Variants in ACACA observed in about 807,000 individuals in gnomAD.
ACACA encodes acetyl-CoA carboxylase alpha, also known as acetyl-CoA carboxylase 1.
A neutral mutation model predicts 296.1 loss-of-function variants in ACACA; 103 were observed. That is an observed-to-expected ratio of 0.35 (90% CI 0.30 to 0.41). The LOEUF is 0.41. Among genes scored for constraint, ACACA ranks in the 10% least tolerant of loss-of-function variants. ACACA has a pLI of 1.00. For missense variants in ACACA, 1,554 were observed against 2,989.7 expected, an observed-to-expected ratio of 0.52 and a Z score of 11.20; for synonymous variants, 953 against 1,038.6, an observed-to-expected ratio of 0.92 and a Z score of 1.58.
intron 14 of ACACA, among the ~76,000 whole-genome samples, chr17:37,254,942 G>A (rs2081161033): frequency 6.6e-6 from 1 of 151,728 alleles, no homozygotes; most frequent in Non-Finnish European, 1.5e-5. Context: ...GAAAATACAG[G>A]TTGACAAAAT....
chr17:37,120,557 G>A (rs983883725), intron 50 of ACACA, among the ~76,000 whole-genome samples: 5 of 152,130 alleles, frequency 3.3e-5, no homozygotes, highest in African/African-American at 4.8e-5. Context: ...GAGCCACCCC[G>A]CCTGGCCCTA....
intron 1 of ACACA, among the ~76,000 whole-genome samples, chr17:37,356,949 A>G (rs2049169944): frequency 6.6e-6 from 1 of 152,198 alleles, no homozygotes; most frequent in Admixed American, 6.5e-5. Context: ...AAATTTTCCT[A>G]GTCATTGACT....
intron 2 of ACACA, among the ~76,000 whole-genome samples, chr17:37,332,945 T>C (rs1024205506): frequency 6.6e-6 from 1 of 151,530 alleles, no homozygotes; most frequent in African/African-American, 2.4e-5. Flanking sequence ...TAATTCCCAA[T>C]TGTGGACCTT....
At chr17:37,238,259 G>C (rs545505617) in intron 24 of ACACA, among the ~76,000 whole-genome samples, 1 of 148,934 alleles carries the variant, frequency 6.7e-6, no homozygotes, top group African/African-American at 2.5e-5. Context: ...ATAGGCATAA[G>C]ATAGGGATTC....
chr17:37,275,813 G>A (rs2082263726), intron 8 of ACACA, 138 bp downstream of exon 8: 1 of 775,384 alleles, frequency 1.3e-6, no homozygotes, highest in South Asian at 1.4e-5. Flanking sequence ...AATTAAGCTA[G>A]GAGCTACAAG....
At chr17:37,152,625 T>C (rs1170785463) in intron 43 of ACACA, among the ~76,000 whole-genome samples, 1 of 152,104 alleles carries the variant, frequency 6.6e-6, no homozygotes, top group East Asian at 1.9e-4. Context: ...GAGTCACTCA[T>C]CTGTCTTCCT....
chr17:37,233,001 C>G (rs2079934575), intron 25 of ACACA, among the ~76,000 whole-genome samples: 1 of 152,072 alleles, frequency 6.6e-6, no homozygotes, highest in Non-Finnish European at 1.5e-5. Flanking sequence ...TGGGTACTAT[C>G]CATGCAGGTA....
chr17:37,218,306 CG>C (rs2079129001), intron 29 of ACACA, among the ~76,000 whole-genome samples: 1 of 151,968 alleles, frequency 6.6e-6, no homozygotes, highest in African/African-American at 2.4e-5. Context: ...GTATAGAATA[CG>C]TGCTAAATTT....
chr17:37,381,037 T>C (rs2050230526), intron 1 of ACACA, among the ~76,000 whole-genome samples: 1 of 152,050 alleles, frequency 6.6e-6, no homozygotes, highest in Admixed American at 6.6e-5. Context: ...ACCACTATTA[T>C]CAACTTATTA....
intron 45 of ACACA, chr17:37,143,707 TTCC>T: frequency 3.3e-6 from 3 of 909,036 alleles, no homozygotes; most frequent in Admixed American, 1.9e-5. Flanking sequence ...CTTCTTCATC[TTCC>T]TCCTCCTCAT....
chr17:37,266,712 T>C (rs2081796041), intron 10 of ACACA, among the ~76,000 whole-genome samples: 1 of 152,176 alleles, frequency 6.6e-6, no homozygotes, highest in South Asian at 2.1e-4. Flanking sequence ...CAAAACATCT[T>C]CTTTAGCTTA....
intron 1 of ACACA, among the ~76,000 whole-genome samples, chr17:37,405,855 CTTTTTTT>C (rs3049528): frequency 1.1e-4 from 6 of 53,528 alleles, no homozygotes; most frequent in African/African-American, 3.0e-4. Flanking sequence ...CCCGGCAGGG[CTTTTTTT>C]TTTTTTTTTT....
intron 48 of ACACA, among the ~76,000 whole-genome samples, chr17:37,125,071 A>G (rs946176585): frequency 1.3e-5 from 2 of 152,198 alleles, no homozygotes; most frequent in African/African-American, 2.4e-5. Context: ...TATAGCAAGC[A>G]CTACAGATTA....
rs1386032855 is a variant in ACACA, at chr17:37,390,330, A to ATATATATCTATATATC, written c.38+15931_38+15932insGATATATAGATATATA. 4.0e-3 allele frequency among the ~76,000 whole-genome samples: 166 copies of ATATATATCTATATATC among 41,568 alleles called. 19 individuals are homozygous for ATATATATCTATATATC. The highest frequency in any genetic ancestry group is 0.038 in the East Asian group (23 of 610). 27.3% of individuals were successfully genotyped at this position (41,568 alleles called of 152,430 possible). A position where few individuals can be genotyped will look rare whatever the true frequency, so the allele number is the denominator to read the frequency against. ...TATATATATATATATATATATATAT[A>ATATATATCTATATATC]TATAAAAGGCCAGCTGGGCCGGGCA... On this transcript the variant is annotated intron_variant, in intron 1 of 55. Transcript: ENST00000616317.
At chr17:37,119,427 A>G (rs949186954) in intron 50 of ACACA, among the ~76,000 whole-genome samples, 21 of 152,136 alleles carry the variant, frequency 1.4e-4, no homozygotes, top group Admixed American at 1.3e-3. Flanking sequence ...TTCTCATGGT[A>G]TTTCCACTAA....
At position 37,223,540 on chromosome 17, in the gene ACACA, T is replaced by G. The variant is rs2079393393; in HGVS notation, c.3536A>C (p.Asn1179Thr). The change falls in exon 28 of 56, where the codon AAC (asparagine) becomes ACC (threonine). Residue 1179 changes from asparagine to threonine, a missense_variant. By Grantham distance (65) the Asn-to-Thr change is moderately conservative. This residue lies in a region of ACACA where 42 missense variants were observed against 147.5 expected (regional missense o/e 0.28). Coordinates refer to ENST00000616317, the MANE Select transcript of ACACA (RefSeq NM_198834.3). Reference sequence around the variant, plus strand: ...CAGAGCTGCCATCCTCACTACTTGGTTGCTGTGATAGAAGAAGTTTGGTAG... The same window carrying G: ...CAGAGCTGCCATCCTCACTACTTGGGTGCTGTGATAGAAGAAGTTTGGTAG... ...DVLPNFFYHSNQVVRMAALEV... is the reference protein window; with the variant it reads ...DVLPNFFYHSTQVVRMAALEV... The G allele has an allele frequency of 6.2e-7, 1 of 1,611,868 alleles. No homozygotes were observed. The highest frequency in any genetic ancestry group is 8.5e-7 in the Non-Finnish European group (1 of 1,177,960).
chr17:37,292,604 C>A (rs1200409523), intron 3 of ACACA, among the ~76,000 whole-genome samples: 2 of 152,194 alleles, frequency 1.3e-5, no homozygotes, highest in Admixed American at 6.5e-5. Context: ...ATCTGTAATC[C>A]CAGCACTTCG....
Position 37,406,478 on chromosome 17 carries a change from C to T in ACACA, c.-179G>A. The T allele has an allele frequency of 7.2e-6, 5 of 690,518 alleles. No homozygotes were observed. Among genetic ancestry groups the T allele is most frequent in the South Asian group, 6.7e-5 (4 of 60,120 alleles). The allele number at this position is 690,518 out of a possible 1,614,324, so 42.8% of individuals were successfully genotyped here. A position where few individuals can be genotyped will look rare whatever the true frequency, so the allele number is the denominator to read the frequency against. On this transcript the variant is annotated 5_prime_UTR_variant, in exon 1 of 56. It adds an upstream start codon to the 5' untranslated region. Coordinates refer to ENST00000616317, the MANE Select transcript of ACACA (RefSeq NM_198834.3). ...CGGGGCCCGGACTGGAGAGGCGCCACGGCTCGCCGTCCCTGGGCCCAGTTC... is the reference window on the plus strand; with the variant it reads ...CGGGGCCCGGACTGGAGAGGCGCCATGGCTCGCCGTCCCTGGGCCCAGTTC...
At chr17:37,285,319 G>T (rs1361496657) in intron 3 of ACACA, among the ~76,000 whole-genome samples, 1 of 152,128 alleles carries the variant, frequency 6.6e-6, no homozygotes, top group African/African-American at 2.4e-5. Flanking sequence ...GTGTGCAGAT[G>T]ACCTTCACCT....
Sources: gnomAD v4.1 joint callset for allele counts (sites outside exome capture counted in the v4.1 genomes callset) on GRCh38, gnomAD v4.1.1 for gene constraint, gnomAD v4.1.1 regional missense constraint, MANE v1.5 for transcripts, NCBI Gene and HGNC (gene_info 2026-07-23, HGNC 2026-07-21) for gene names.